TENM3: variants seen among roughly 807,000 people sequenced by gnomAD.
The protein encoded by TENM3 is teneurin-3.
A neutral mutation model predicts 255.1 loss-of-function variants in TENM3; 63 were observed. The observed-to-expected ratio is 0.25, with a 90% confidence interval of 0.20 to 0.30. TENM3 has a LOEUF of 0.30. TENM3 is among the 10% of genes least tolerant of loss of function. TENM3 has a pLI of 1.00. For missense variants in TENM3, 2,929 were observed against 3,461.1 expected, an observed-to-expected ratio of 0.85 and a Z score of 3.86; for synonymous variants, 1,306 against 1,322.3, an observed-to-expected ratio of 0.99 and a Z score of 0.27.
At chr4:182,086,196 C>G in the TENM3 span, among the ~76,000 whole-genome samples, 2 of 152,234 alleles carry the variant, frequency 1.3e-5, no homozygotes, top group East Asian at 1.9e-4. Context: ...CTCCCAGCTA[C>G]CAGTCTGACC....
chr4:182,149,823 G>A (rs1750216556), intron 1 of TENM3, among the ~76,000 whole-genome samples: 1 of 151,882 alleles, frequency 6.6e-6, no homozygotes, highest in Non-Finnish European at 1.5e-5. Flanking sequence ...TGGAGATGTG[G>A]CATTTATTAC....
the TENM3 span, among the ~76,000 whole-genome samples, chr4:181,683,008 T>C: frequency 6.6e-6 from 1 of 151,802 alleles, no homozygotes; most frequent in East Asian, 1.9e-4. Context: ...GAGACCAGCC[T>C]TGGCAACATA....
the TENM3 span, among the ~76,000 whole-genome samples, chr4:182,044,858 C>A: frequency 2.0e-5 from 3 of 152,158 alleles, no homozygotes; most frequent in Non-Finnish European, 4.4e-5. Context: ...GACGGATAGT[C>A]CCTCCCTGCC....
intron 3 of TENM3, among the ~76,000 whole-genome samples, chr4:182,419,273 T>C (rs1263703540): frequency 6.6e-6 from 1 of 152,156 alleles, no homozygotes; most frequent in Non-Finnish European, 1.5e-5. Flanking sequence ...GAAAAAATGC[T>C]CATCATCACT....
intron 3 of TENM3, among the ~76,000 whole-genome samples, chr4:182,429,062 C>T (rs1771442421): frequency 6.6e-6 from 1 of 152,126 alleles, no homozygotes; most frequent in Non-Finnish European, 1.5e-5. Flanking sequence ...AAGACTCCCA[C>T]CATTTCCATT....
At chr4:181,753,221 G>A in the TENM3 span, among the ~76,000 whole-genome samples, 33 of 152,168 alleles carry the variant, frequency 2.2e-4, no homozygotes, top group African/African-American at 7.0e-4. Context: ...TCTAGGTCAG[G>A]TGTTCTTCAC....
chr4:181,605,578 A>AG, the TENM3 span, among the ~76,000 whole-genome samples: 12 of 28,076 alleles, frequency 4.3e-4, 1 homozygote, highest in East Asian at 2.3e-3. Flanking sequence ...AAGAGAGAGA[A>AG]AGAAAGGAAA....
Position 182,778,299 on chromosome 4 carries a change from A to T in TENM3, c.5304+3146A>T, listed in dbSNP as rs572894165. Among the ~76,000 whole-genome samples the T allele has an allele frequency of 6.7e-3, 1,023 of 152,300 alleles. 19 individuals are homozygous for T. Among genetic ancestry groups the T allele is most frequent in the African/African-American group, 0.023 (967 of 41,566 alleles). On this transcript the variant is annotated intron_variant, in intron 24 of 27. Transcript: ENST00000511685. ...TCATTTTAAAAAAGAAAATCTCAAA[A>T]TTTGAAAGCCAAACGTGTGTTTAAA... is the stretch of plus-strand genomic sequence containing the variant.
the TENM3 span, among the ~76,000 whole-genome samples, chr4:181,631,480 C>A: frequency 1.3e-5 from 2 of 151,956 alleles, no homozygotes; most frequent in Non-Finnish European, 2.9e-5. Context: ...TTAGTAGAGG[C>A]AGGGTTTCAC....
intron 3 of TENM3, among the ~76,000 whole-genome samples, chr4:182,556,464 A>G (rs978889900): frequency 4.6e-5 from 7 of 152,232 alleles, no homozygotes; most frequent in African/African-American, 1.4e-4. Context: ...TGAATACAAC[A>G]AAGTAATTAG....
chr4:182,120,093 GCGCACA>G, the TENM3 span, among the ~76,000 whole-genome samples: 1 of 4,064 alleles, frequency 2.5e-4, no homozygotes, highest in Non-Finnish European at 9.6e-4. Flanking sequence ...GCGTGCGTGC[GCGCACA>G]CACACACACA....
intron 1 of TENM3, among the ~76,000 whole-genome samples, chr4:182,317,716 AAT>A (rs138102605): frequency 2.8e-4 from 42 of 149,984 alleles, no homozygotes; most frequent in African/African-American, 4.6e-4. Context: ...CACTACCAAA[AAT>A]ATATATATAT....
chr4:182,274,777 C>T (rs1421374339), intron 1 of TENM3, among the ~76,000 whole-genome samples: 2 of 152,110 alleles, frequency 1.3e-5, no homozygotes, highest in African/African-American at 4.8e-5. Context: ...ATGGCTATTT[C>T]TGAGTTTAAG....
rs531764436 is a variant in TENM3, at chr4:182,664,785, T to C, written c.1112-8220T>C. ...GATCAAACCAGATATAACATTCCCT[T>C]GAGCTAAAGCCTACTCCAGAGCAAG... On this transcript the variant is annotated intron_variant, in intron 6 of 27. Transcript: ENST00000511685. Among the ~76,000 whole-genome samples the C allele has an allele frequency of 3.9e-5, 6 of 152,308 alleles. No individual in the cohort carries two copies. The South Asian group carries it at 1.2e-3, about 32-fold the overall frequency.
chr4:182,563,435 A>G (rs1193407478), intron 3 of TENM3, among the ~76,000 whole-genome samples: 1 of 151,928 alleles, frequency 6.6e-6, no homozygotes, highest in African/African-American at 2.4e-5. Flanking sequence ...CTCCATCTCA[A>G]AAAAAAAGAA....
chr4:181,501,183 G>A, the TENM3 span, among the ~76,000 whole-genome samples: 9 of 152,110 alleles, frequency 5.9e-5, no homozygotes, highest in African/African-American at 2.2e-4. Context: ...TTTGGACCTT[G>A]CTGGTGGTGG....
Position 182,800,388 on chromosome 4 carries a change from C to T in TENM3, c.*37C>T. ...CGCCCGCCGAGCCGCTCACGCCCTGCCCACATTGTCCTGTGGCACAACCCG... is the reference window on the plus strand; with the variant it reads ...CGCCCGCCGAGCCGCTCACGCCCTGTCCACATTGTCCTGTGGCACAACCCG... On this transcript the variant is annotated 3_prime_UTR_variant, in exon 28 of 28. Transcript: ENST00000511685. 6.6e-7 allele frequency: 1 copy of T among 1,521,876 alleles called. No individual in the cohort carries two copies. Among genetic ancestry groups the T allele is most frequent in the Non-Finnish European group, 8.8e-7 (1 of 1,140,472 alleles). 94.3% of individuals were successfully genotyped at this position (1,521,876 alleles called of 1,614,324 possible).
At chr4:182,677,014 GCA>G (rs1460983430) in intron 7 of TENM3, among the ~76,000 whole-genome samples, 3 of 152,132 alleles carry the variant, frequency 2.0e-5, no homozygotes, top group Admixed American at 6.5e-5. Flanking sequence ...AAATATATCT[GCA>G]TCTCCATCTT....
chr4:181,637,957 G>T, the TENM3 span, among the ~76,000 whole-genome samples: 1 of 152,228 alleles, frequency 6.6e-6, no homozygotes, highest in East Asian at 1.9e-4. Context: ...ATCCTGCCCA[G>T]CTGTAGTTCA....
Sources: gnomAD v4.1 joint callset for allele counts (sites outside exome capture counted in the v4.1 genomes callset) on GRCh38, gnomAD v4.1.1 for gene constraint, MANE v1.5 for transcripts, NCBI Gene and HGNC (gene_info 2026-07-23, HGNC 2026-07-21) for gene names.